The following GUK1 variants were observed in gnomAD, a reference collection of about 807,000 sequenced individuals.
GUK1 encodes the protein guanylate kinase.
GUK1 carries 18 observed loss-of-function variants against 25.2 expected under a neutral mutation model. That is an observed-to-expected ratio of 0.71 (90% CI 0.49 to 1.06). The LOEUF is 1.06. GUK1 is among the 50% of genes least tolerant of loss of function. The probability of loss-of-function intolerance (pLI) is 0.00; values close to 1 mark genes in which losing one functional copy is unlikely to be tolerated. For synonymous variants in GUK1, 105 were observed against 117.6 expected (o/e 0.89, Z 0.69); for missense variants, 261 against 276.7 (o/e 0.94, Z 0.40).
chr1:228,142,127 C>T (rs1214444665), intron 2 of GUK1, among the ~76,000 whole-genome samples: 1 of 113,098 alleles, frequency 8.8e-6, no homozygotes, highest in East Asian at 2.7e-4. Context: ...CAGCCTGTGC[C>T]TCCGCCCTGT....
Position 228,141,710 on chromosome 1 carries a change from G to A in GUK1, c.-3+422G>A, listed in dbSNP as rs758819536. The A allele has an allele frequency of 9.9e-6, 13 of 1,312,072 alleles. No homozygotes were observed. The South Asian group carries it at 1.3e-4, about 14-fold the overall frequency. 81.3% of individuals were successfully genotyped at this position (1,312,072 alleles called of 1,614,324 possible). ...TTCCAGGAAAGCGGCTGCTGGGGCAGCATGGGAGCCCAGTCCAGGGAGCGT... is the reference window on the plus strand; with the variant it reads ...TTCCAGGAAAGCGGCTGCTGGGGCAACATGGGAGCCCAGTCCAGGGAGCGT... On this transcript the variant is annotated intron_variant, in intron 2 of 8. Coordinates refer to ENST00000312726, the MANE Select transcript of GUK1 (RefSeq NM_000858.7).
chr1:228,140,371 C>G lies in GUK1; in HGVS notation c.-168+8C>G. ...GCCGGGCCCCACCGGACGGTGAGTA[C>G]GACAAGCGCGATCGCGAGGGTGACT... On this transcript the variant is annotated splice_region_variant and intron_variant, in intron 1 of 8. Coordinates refer to ENST00000312726, the MANE Select transcript of GUK1 (RefSeq NM_000858.7). 1.3e-6 allele frequency: 2 copies of G among 1,507,178 alleles called. No homozygotes were observed. Among genetic ancestry groups the G allele is most frequent in the Non-Finnish European group, 1.8e-6 (2 of 1,135,382 alleles). 93.4% of individuals were successfully genotyped at this position (1,507,178 alleles called of 1,614,324 possible).
chr1:228,141,847 T>A lies in GUK1; in HGVS notation c.-3+559T>A, dbSNP rs1172768296. ...CCTGGCAGGTCCTTACAGTTGTGGG[T>A]TGTGTGGCTTCTTGCCAGGCAGCTG... is the stretch of plus-strand genomic sequence containing the variant. On this transcript the variant is annotated intron_variant, in intron 2 of 8. Transcript: ENST00000312726. The A allele has an allele frequency of 5.3e-6, 6 of 1,132,494 alleles. No individual in the cohort carries two copies. The South Asian group carries it at 1.0e-4, about 20-fold the overall frequency. 70.2% of individuals were successfully genotyped at this position (1,132,494 alleles called of 1,614,324 possible).
Position 228,141,295 on chromosome 1 carries a change from G to T in GUK1, c.-3+7G>T. ...AGCCCGATTTCCTCAGGAGGTAAAGGAATGTTCCTGTCCCCCCCGGGGAAA... is the reference window on the plus strand; with the variant it reads ...AGCCCGATTTCCTCAGGAGGTAAAGTAATGTTCCTGTCCCCCCCGGGGAAA... On this transcript the variant is annotated splice_region_variant and intron_variant, in intron 2 of 8. Coordinates refer to ENST00000312726, the MANE Select transcript of GUK1 (RefSeq NM_000858.7). 1 of 975,988 alleles carries T rather than the reference G, an allele frequency of 1.0e-6. No individual in the cohort carries two copies. 60.5% of individuals were successfully genotyped at this position (975,988 alleles called of 1,614,324 possible).
chr1:228,144,713 C>T, intron 2 of GUK1: 2 of 985,236 alleles, frequency 2.0e-6, no homozygotes, highest in Non-Finnish European at 2.4e-6. Flanking sequence ...CAGACAGACC[C>T]ACCCCAGGCT....
chr1:228,140,157 G>A (rs1323193801), upstream of GUK1: 4 of 678,362 alleles, frequency 5.9e-6, no homozygotes, highest in Non-Finnish European at 9.8e-6. Flanking sequence ...GCGAGGCACT[G>A]AGGTAAGTAC....
intron 4 of GUK1, chr1:228,146,466 C>T (rs2034378357): frequency 2.4e-6 from 1 of 424,962 alleles, no homozygotes; most frequent in Non-Finnish European, 4.3e-6. Context: ...CGCCCCTTGC[C>T]GTGCAACCCA....
chr1:228,148,369 A>G lies in GUK1; in HGVS notation c.476-2A>G, dbSNP rs764110840. On this transcript the variant is annotated splice_acceptor_variant, in intron 7 of 8. Transcript: ENST00000312726. LOFTEE classifies it high-confidence loss of function. ...TGCCCTGACCCCAGGCCCCACCCAC[A>G]GGCAAGGAGCCCGGCCTGTTTGATG... 1.3e-6 allele frequency: 2 copies of G among 1,556,440 alleles called. No homozygotes were observed. Among genetic ancestry groups the G allele is most frequent in the Admixed American group, 3.7e-5 (2 of 53,890 alleles).
chr1:228,148,508 G>T, intron 8 of GUK1, 52 bp downstream of exon 7: 3 of 1,449,966 alleles, frequency 2.1e-6, no homozygotes, highest in South Asian at 1.3e-5. Context: ...AGGCCTGGGG[G>T]CCAGGCCTTT....
intron 7 of GUK1, 82 bp downstream of exon 6, chr1:228,147,781 TC>T: frequency 1.7e-6 from 2 of 1,188,102 alleles, no homozygotes; most frequent in Non-Finnish European, 1.2e-6. Context: ...ACCCTGTGGG[TC>T]CCCAGACCTC....
chr1:228,140,429 C>T, intron 1 of GUK1, 66 bp downstream of exon 1: 6 of 1,182,390 alleles, frequency 5.1e-6, no homozygotes, highest in South Asian at 3.1e-5. Context: ...CTGCGCTTTG[C>T]GGTCGCCCAG....
intron 5 of GUK1, among the ~76,000 whole-genome samples, chr1:228,147,140 G>A (rs149265168): frequency 1.3e-5 from 2 of 152,374 alleles, no homozygotes; most frequent in East Asian, 1.9e-4. Flanking sequence ...TCCTGCCACC[G>A]TGCATTGTCC....
chr1:228,141,945 A>G, intron 2 of GUK1: 1 of 301,126 alleles, frequency 3.3e-6, no homozygotes, highest in Non-Finnish European at 5.7e-6. Flanking sequence ...CCCTCTGCCC[A>G]CAGGAAGACA....
At chr1:228,143,563 G>A (rs1339019282) in intron 2 of GUK1, among the ~76,000 whole-genome samples, 1 of 152,182 alleles carries the variant, frequency 6.6e-6, no homozygotes, top group Non-Finnish European at 1.5e-5. Flanking sequence ...CACACAAGTG[G>A]CATGGCTCAT....
chr1:228,141,249 ACTC>A lies in GUK1; in HGVS notation c.-38_-36del. On this transcript the variant is annotated 5_prime_UTR_variant, in exon 2 of 9. Coordinates refer to ENST00000312726, the MANE Select transcript of GUK1 (RefSeq NM_000858.7). ...AGCATCGTGAAGGGCTGGGGCCTTC[ACTC>A]CTCTGTGGCTCTGGAAGAGCCCGAT... The A allele has an allele frequency of 1.0e-6, 1 of 984,274 alleles. No individual in the cohort carries two copies. Among genetic ancestry groups the A allele is most frequent in the Non-Finnish European group, 1.2e-6 (1 of 829,314 alleles). The allele number at this position is 984,274 out of a possible 1,614,324, so 61.0% of individuals were successfully genotyped here. A position where few individuals can be genotyped will look rare whatever the true frequency, so the allele number is the denominator to read the frequency against.
chr1:228,148,371 G>C lies in GUK1; in HGVS notation c.476G>C (p.Ser159Thr). 6.4e-7 allele frequency: 1 copy of C among 1,557,150 alleles called. No homozygotes were observed. Among genetic ancestry groups the C allele is most frequent in the South Asian group, 1.2e-5 (1 of 85,612 alleles). Reference sequence around the variant, plus strand: ...CCCTGACCCCAGGCCCCACCCACAGGCAAGGAGCCCGGCCTGTTTGATGTG... The same window carrying C: ...CCCTGACCCCAGGCCCCACCCACAGCCAAGGAGCCCGGCCTGTTTGATGTG... Residue 159 changes from serine to threonine, a missense_variant and splice_region_variant, in exon 8 of 9, where the codon AGC becomes ACC. Physicochemically the swap from Ser to Thr is moderately conservative, Grantham distance 58. Coordinates refer to ENST00000312726, the MANE Select transcript of GUK1 (RefSeq NM_000858.7).
At chr1:228,144,396 C>T (rs1436177059) in intron 2 of GUK1, 1 of 152,356 alleles carries the variant, frequency 6.6e-6, no homozygotes, top group African/African-American at 2.4e-5. Context: ...CTAGCCCAGC[C>T]CCTGAACACA....
chr1:228,148,245 C>G (rs958635483), intron 7 of GUK1, 126 bp from the exon 7 acceptor site: 1 of 765,750 alleles, frequency 1.3e-6, no homozygotes, highest in Non-Finnish European at 2.3e-6. Context: ...CCCGGCTGGG[C>G]TGGAAAGCTG....
intron 3 of GUK1, 47 bp downstream of exon 2, chr1:228,145,671 T>C: frequency 6.3e-7 from 1 of 1,592,130 alleles, no homozygotes; most frequent in Non-Finnish European, 8.6e-7. Context: ...TCAAGGCTGC[T>C]GAGTAGTCCT....
Sources: allele counts gnomAD v4.1 joint callset (sites outside exome capture counted in the v4.1 genomes callset), GRCh38; gene constraint gnomAD v4.1.1; transcripts MANE v1.5; gene names NCBI Gene and HGNC (gene_info 2026-07-23, HGNC 2026-07-21).